Variants in SLC26A5 observed in about 807,000 individuals in gnomAD.
The protein encoded by SLC26A5 is prestin.
A neutral mutation model predicts 81.0 loss-of-function variants in SLC26A5; 51 were observed. That is an observed-to-expected ratio of 0.63 (90% CI 0.50 to 0.80). SLC26A5 has a LOEUF of 0.80. SLC26A5 is among the 30% of genes least tolerant of loss of function. SLC26A5 has a pLI of 0.00. For synonymous variants in SLC26A5, 325 were observed against 332.8 expected (o/e 0.98, Z 0.25); for missense variants, 771 against 905.8 (o/e 0.85, Z 1.91).
intron 19 of SLC26A5, chr7:103,363,509 T>G (rs1032931463): frequency 1.5e-5 from 20 of 1,340,198 alleles, no homozygotes; most frequent in Non-Finnish European, 1.9e-5. Flanking sequence ...GCACTAAAAT[T>G]GCTTGTATAT....
chr7:103,414,310 C>A (rs112687454), intron 4 of SLC26A5, among the ~76,000 whole-genome samples: 2 of 151,764 alleles, frequency 1.3e-5, no homozygotes, highest in Admixed American at 1.3e-4. Context: ...CTCAGCCTCC[C>A]TAGTAGTTGG....
chr7:103,417,563 G>A (rs959427915), intron 4 of SLC26A5, among the ~76,000 whole-genome samples: 33 of 151,794 alleles, frequency 2.2e-4, no homozygotes, highest in African/African-American at 7.7e-4. Flanking sequence ...CCTAGGTGCC[G>A]TGGTCTATTG....
Position 103,422,630 on chromosome 7 carries a change from T to C in SLC26A5, c.-53-1063A>G, listed in dbSNP as rs1227874391. 3.9e-5 allele frequency among the ~76,000 whole-genome samples: 6 copies of C among 152,284 alleles called. No homozygotes were observed. The East Asian group carries it at 1.2e-3, about 29-fold the overall frequency. ...TAGTAGAGGGCTTCTACTAACTGTA[T>C]CTGCAATGTTTTAGTTTGTAAAAAA... On this transcript the variant is annotated intron_variant, in intron 2 of 19. Coordinates refer to ENST00000306312, the MANE Select transcript of SLC26A5 (RefSeq NM_198999.3).
At chr7:103,392,792 T>A in intron 10 of SLC26A5, 127 bp downstream of exon 10, 1 of 1,145,228 alleles carries the variant, frequency 8.7e-7, no homozygotes. Flanking sequence ...TTAGCCAGGA[T>A]GGTCTCAATC....
At position 103,355,423 on chromosome 7, in the gene SLC26A5, TG is replaced by T. The variant is rs1260687275; in HGVS notation, c.2042-2498del. On this transcript the variant is annotated intron_variant, in intron 19 of 19. Transcript: ENST00000339444. Reference sequence around the variant, plus strand: ...TTTAGGGCAGGGTGTAGTTTTCAGCTGGGGTGATTTTGCCCCACCCTCCCAA... The same window carrying T: ...TTTAGGGCAGGGTGTAGTTTTCAGCTGGGTGATTTTGCCCCACCCTCCCAA... 3.3e-5 allele frequency among the ~76,000 whole-genome samples: 5 copies of T among 152,264 alleles called. No individual in the cohort carries two copies. In the East Asian group the frequency reaches 9.6e-4, roughly 29 times the overall value.
chr7:103,412,076 G>T (rs1247916937), intron 5 of SLC26A5, among the ~76,000 whole-genome samples: 4 of 152,124 alleles, frequency 2.6e-5, no homozygotes, highest in African/African-American at 9.7e-5. Flanking sequence ...GGAAGGGAGG[G>T]AGGAAAAAGG....
Position 103,374,380 on chromosome 7 carries a change from C to A in SLC26A5, c.*19G>T, listed in dbSNP as rs911426584. 6 of 1,611,840 alleles carry A rather than the reference C, an allele frequency of 3.7e-6. No homozygotes were observed. The highest frequency in any genetic ancestry group is 2.2e-5 in the East Asian group (1 of 44,884). ...CTTCATGAGAGGCTTATAACCCCATCCTAGGGTGAGGTCCTCATCTATGCC... is the reference window on the plus strand; with the variant it reads ...CTTCATGAGAGGCTTATAACCCCATACTAGGGTGAGGTCCTCATCTATGCC... On this transcript the variant is annotated 3_prime_UTR_variant, in exon 20 of 20. Coordinates refer to ENST00000306312, the MANE Select transcript of SLC26A5 (RefSeq NM_198999.3).
At chr7:103,377,415 G>C (rs1400702460) in intron 18 of SLC26A5, among the ~76,000 whole-genome samples, 184 bp downstream of exon 18, 5 of 152,174 alleles carry the variant, frequency 3.3e-5, no homozygotes, top group Admixed American at 2.6e-4. Context: ...TGTTGAAGCT[G>C]AGTGATAGTT....
intron 19 of SLC26A5, among the ~76,000 whole-genome samples, chr7:103,357,989 A>T (rs1028575225): frequency 6.6e-5 from 10 of 152,092 alleles, no homozygotes; most frequent in Non-Finnish European, 1.5e-5. Flanking sequence ...TGCCTGTTTA[A>T]TGACAATTGT....
chr7:103,379,532 A>C (rs920449968), intron 15 of SLC26A5, among the ~76,000 whole-genome samples, 197 bp from the exon 16 acceptor site: 3 of 152,006 alleles, frequency 2.0e-5, no homozygotes, highest in Middle Eastern at 3.4e-3. Flanking sequence ...ACTCTTATCT[A>C]CTCATGCTCT....
intron 2 of SLC26A5, among the ~76,000 whole-genome samples, chr7:103,438,046 C>T (rs1293820701): frequency 6.6e-6 from 1 of 152,176 alleles, no homozygotes; most frequent in Admixed American, 6.5e-5. Flanking sequence ...GAAATCATAA[C>T]TGTGACTTCA....
At chr7:103,385,082 G>A (rs767379893) in intron 14 of SLC26A5, among the ~76,000 whole-genome samples, 8 of 152,278 alleles carry the variant, frequency 5.3e-5, no homozygotes, top group Non-Finnish European at 1.0e-4. Flanking sequence ...GGCAGAAGCT[G>A]AACCTCTGTC....
At chr7:103,441,680 G>A (rs755784884) in intron 2 of SLC26A5, among the ~76,000 whole-genome samples, 2 of 152,132 alleles carry the variant, frequency 1.3e-5, no homozygotes, top group African/African-American at 2.4e-5. Context: ...TTAAACACTG[G>A]CATGGATACT....
chr7:103,433,556 C>T (rs1826230060), intron 2 of SLC26A5: 1 of 151,990 alleles, frequency 6.6e-6, no homozygotes, highest in South Asian at 2.1e-4. Flanking sequence ...TGCACTTGGA[C>T]CAGGAAGAAT....
intron 19 of SLC26A5, chr7:103,362,783 G>GA: frequency 7.1e-7 from 1 of 1,408,642 alleles, no homozygotes; most frequent in Non-Finnish European, 9.9e-7. Context: ...GAGGGAAAAG[G>GA]AAGGCTATGT....
rs1401129602 is a variant in SLC26A5 at position 103,420,897 on chromosome 7, C to T, written c.153-20G>A. On this transcript the variant is annotated intron_variant, in intron 3 of 19. Transcript: ENST00000306312. ...GTACATCTGAAAGGACAAAGACAGA[C>T]AGAGATAAAGTTATAAATGAGAAAC... 3 of 1,595,486 alleles carry T rather than the reference C, an allele frequency of 1.9e-6. No homozygotes were observed. Among genetic ancestry groups the T allele is most frequent in the African/African-American group, 2.7e-5 (2 of 74,482 alleles).
chr7:103,367,789 G>A lies in SLC26A5; in HGVS notation c.2041+9019C>T, dbSNP rs371675280. ...GATATCAGATTTGAACTGTTAGCAC[G>A]ACTGTGTCCAAATAGCACTGGTAAG... On this transcript the variant is annotated intron_variant, in intron 19 of 19. Coordinates refer to the SLC26A5 transcript ENST00000339444. The surrounding 1 kb of genome is among the most constrained non-coding windows in gnomAD (Gnocchi z 6.1). The A allele has an allele frequency of 5.6e-6, 9 of 1,613,626 alleles. No individual in the cohort carries two copies. The highest frequency in any genetic ancestry group is 7.6e-6 in the Non-Finnish European group (9 of 1,179,716).
At chr7:103,364,520 C>T (rs1031727178) in intron 19 of SLC26A5, among the ~76,000 whole-genome samples, 4 of 152,132 alleles carry the variant, frequency 2.6e-5, no homozygotes, top group African/African-American at 9.7e-5. Context: ...GGCGATCCTC[C>T]CATCTCAGCC....
chr7:103,405,330 T>A (rs890793081), intron 8 of SLC26A5, among the ~76,000 whole-genome samples: 17 of 152,226 alleles, frequency 1.1e-4, no homozygotes, highest in Non-Finnish European at 2.9e-5. Context: ...TTATCTACCT[T>A]TGGTCTTTGC....
Sources: gnomAD v4.1 joint callset for allele counts (sites outside exome capture counted in the v4.1 genomes callset) on GRCh38, gnomAD v4.1.1 for gene constraint, Gnocchi (gnomAD v3.1) non-coding constraint, MANE v1.5 for transcripts, NCBI Gene and HGNC (gene_info 2026-07-23, HGNC 2026-07-21) for gene names.